ADGRL2: variants seen among roughly 807,000 people sequenced by gnomAD.
ADGRL2 encodes adhesion G protein-coupled receptor L2.
Under a neutral mutation model 157.4 loss-of-function variants are expected in ADGRL2, and 44 were observed. That is an observed-to-expected ratio of 0.28 (90% CI 0.22 to 0.36). ADGRL2 has a LOEUF of 0.36. Ranked by LOEUF, ADGRL2 falls within the 10% of genes least tolerant of loss-of-function variation. The pLI, the probability that ADGRL2 is intolerant of heterozygous loss-of-function variation, is 1.00. For missense variants in ADGRL2, 1,510 were observed against 1,768.9 expected, an observed-to-expected ratio of 0.85 and a Z score of 2.63; for synonymous variants, 585 against 624.7, an observed-to-expected ratio of 0.94 and a Z score of 0.95.
intron 1 of ADGRL2, among the ~76,000 whole-genome samples, chr1:81,710,807 T>C (rs1200992168): frequency 6.6e-6 from 1 of 151,318 alleles, no homozygotes; most frequent in African/African-American, 2.4e-5. Context: ...CCTTCTCAGA[T>C]AAATGTGCTA....
Position 81,986,978 on chromosome 1 carries a change from G to A in ADGRL2, c.3586G>A (p.Ala1196Thr), listed in dbSNP as rs781431355. The change falls in exon 22 of 24, where the codon GCT becomes ACT. Residue 1196 changes from alanine to threonine, a missense_variant. Physicochemically the swap from Ala to Thr is moderately conservative, Grantham distance 58 (BLOSUM62 0). This residue lies in a region of ADGRL2 where 497 missense variants were observed against 627.2 expected (regional missense o/e 0.79). Coordinates refer to ENST00000686636, the MANE Select transcript of ADGRL2 (RefSeq NM_001366006.2). ...GTNNPYNTLL[A>T]ETVVCNAPSA... is the part of the protein sequence containing the mutation. ...TAACAACCCCTATAACACATTGCTC[G>A]CTGAAACAGTTGTATGTAATGCCCC... 4.7e-5 allele frequency: 75 copies of A among 1,610,996 alleles called. No homozygotes were observed. Among genetic ancestry groups the A allele is most frequent in the Admixed American group, 3.0e-4 (18 of 59,768 alleles).
At chr1:81,403,357 C>T (rs139056336) in intron 1 of ADGRL2, among the ~76,000 whole-genome samples, 5 of 152,016 alleles carry the variant, frequency 3.3e-5, no homozygotes, top group Non-Finnish European at 5.9e-5. Flanking sequence ...CTCCTCCTCT[C>T]GGGCTCAAGA....
At chr1:81,745,866 C>T (rs1048440002) in intron 1 of ADGRL2, among the ~76,000 whole-genome samples, 2 of 152,054 alleles carry the variant, frequency 1.3e-5, no homozygotes, top group African/African-American at 2.4e-5. Context: ...GGTGAGGTCT[C>T]AGTAAATACT....
At chr1:81,592,967 C>G (rs1479607952) in intron 3 of ADGRL2, among the ~76,000 whole-genome samples, 5 of 151,994 alleles carry the variant, frequency 3.3e-5, no homozygotes, top group African/African-American at 1.2e-4. Context: ...TTGGGACAAC[C>G]CATTTATCCC....
At chr1:81,334,571 T>C (rs1397206029) in intron 1 of ADGRL2, among the ~76,000 whole-genome samples, 2 of 152,202 alleles carry the variant, frequency 1.3e-5, no homozygotes, top group African/African-American at 4.8e-5. Context: ...GTTACATAAA[T>C]ACATATTTCT....
At chr1:81,880,674 C>G (rs534352567) in intron 2 of ADGRL2, among the ~76,000 whole-genome samples, 1 of 151,990 alleles carries the variant, frequency 6.6e-6, no homozygotes, top group African/African-American at 2.4e-5. Context: ...CACCGCCCCC[C>G]GCCCCATTCC....
At chr1:81,851,966 G>C (rs2150531207) in intron 2 of ADGRL2, among the ~76,000 whole-genome samples, 1 of 151,980 alleles carries the variant, frequency 6.6e-6, no homozygotes, top group African/African-American at 2.4e-5. Context: ...ATCTGACTTA[G>C]AATGGCGAAT....
chr1:81,492,367 G>A (rs12061597), intron 2 of ADGRL2, among the ~76,000 whole-genome samples: 22,157 of 151,974 alleles, frequency 0.15, 2,969 homozygotes, highest in African/African-American at 0.36. Flanking sequence ...TTCAAATTCT[G>A]CTTACTTTTT....
rs114582934 is a variant in ADGRL2, at chr1:81,806,037, A to G, written c.-101+4969A>G. 3.8e-3 allele frequency among the ~76,000 whole-genome samples: 573 copies of G among 152,208 alleles called. 5 individuals are homozygous for G. The highest frequency in any genetic ancestry group is 5.8e-3 in the Non-Finnish European group (391 of 67,930). On this transcript the variant is annotated intron_variant, in intron 1 of 23. Transcript: ENST00000686636. The stretch of plus-strand genomic sequence containing the variant: ...AGAAGAACTTCAGCTGCCATTTTCA[A>G]TCACTGGGTTACTATGTGTTGGCAA...
chr1:81,895,628 C>A (rs1188182116), intron 2 of ADGRL2, among the ~76,000 whole-genome samples: 1 of 152,044 alleles, frequency 6.6e-6, no homozygotes, highest in Non-Finnish European at 1.5e-5. Context: ...CTCCTGACCT[C>A]AGGTGATCCA....
At chr1:81,633,818 TACA>T (rs948019495) in intron 3 of ADGRL2, among the ~76,000 whole-genome samples, 59 of 152,196 alleles carry the variant, frequency 3.9e-4, no homozygotes, top group African/African-American at 1.4e-3. Flanking sequence ...GCACTACTGC[TACA>T]ACATTTATCT....
chr1:81,703,423 T>C (rs1052564944), intron 1 of ADGRL2, among the ~76,000 whole-genome samples: 12 of 151,896 alleles, frequency 7.9e-5, no homozygotes, highest in Non-Finnish European at 1.5e-4. Flanking sequence ...TTTTGTTTTC[T>C]GTTGTTGTTG....
intron 2 of ADGRL2, among the ~76,000 whole-genome samples, chr1:81,559,268 TA>T (rs2080385066): frequency 1.3e-5 from 2 of 152,136 alleles, no homozygotes; most frequent in African/African-American, 4.8e-5. Flanking sequence ...CTAATTAATA[TA>T]AAATTAATGG....
intron 2 of ADGRL2, among the ~76,000 whole-genome samples, chr1:81,889,010 A>G (rs994543393): frequency 6.6e-6 from 1 of 152,134 alleles, no homozygotes; most frequent in Non-Finnish European, 1.5e-5. Context: ...AACTTAAGGA[A>G]TATTAGGTTT....
At chr1:81,552,446 G>A (rs965734762) in intron 2 of ADGRL2, among the ~76,000 whole-genome samples, 1 of 152,014 alleles carries the variant, frequency 6.6e-6, no homozygotes, top group East Asian at 1.9e-4. Context: ...TGCTTTTCAG[G>A]GAAAGCTGCA....
chr1:81,505,047 G>T, intron 2 of ADGRL2: 1 of 393,454 alleles, frequency 2.5e-6, no homozygotes, highest in Non-Finnish European at 4.8e-6. Flanking sequence ...TGTGGCGTGG[G>T]TGTGTGTGGC....
intron 23 of ADGRL2, chr1:81,989,643 C>T: frequency 6.2e-7 from 1 of 1,607,606 alleles, no homozygotes. Flanking sequence ...ATTTTACTTT[C>T]TTTTATATAT....
intron 1 of ADGRL2, among the ~76,000 whole-genome samples, chr1:81,429,423 G>C (rs2077279720): frequency 6.6e-6 from 1 of 152,122 alleles, no homozygotes; most frequent in Non-Finnish European, 1.5e-5. Context: ...GGGAGGAGGA[G>C]GGTCTATATT....
intron 1 of ADGRL2, among the ~76,000 whole-genome samples, chr1:81,361,267 C>T (rs113548317): frequency 1.3e-5 from 2 of 151,836 alleles, no homozygotes; most frequent in Non-Finnish European, 2.9e-5. Context: ...CTGCTGAGTG[C>T]AAATATTATA....
Sources: allele counts gnomAD v4.1 joint callset (sites outside exome capture counted in the v4.1 genomes callset), GRCh38; gene constraint gnomAD v4.1.1; regional missense constraint gnomAD v4.1.1; transcripts MANE v1.5; gene names NCBI Gene and HGNC (gene_info 2026-07-23, HGNC 2026-07-21).